UTRN: variants seen among roughly 807,000 people sequenced by gnomAD.
UTRN encodes dystrophin-related protein 1.
UTRN carries 283 observed loss-of-function variants against 463.9 expected under a neutral mutation model. The ratio of observed to expected loss-of-function variants is 0.61; its 90% confidence interval spans 0.55 to 0.67. UTRN has a LOEUF of 0.67. Ranked by LOEUF, UTRN falls within the 30% of genes least tolerant of loss-of-function variation. The pLI is 0.00. For synonymous variants in UTRN, 1,442 were observed against 1,431.5 expected (o/e 1.01, Z -0.17); for missense variants, 3,922 against 4,084.3 (o/e 0.96, Z 1.08).
At chr6:144,399,262 G>T (rs1456336103) in intron 2 of UTRN, among the ~76,000 whole-genome samples, 1 of 152,072 alleles carries the variant, frequency 6.6e-6, no homozygotes, top group Non-Finnish European at 1.5e-5. Flanking sequence ...ATTAGTGTTT[G>T]GGTGTGATTG....
intron 61 of UTRN, among the ~76,000 whole-genome samples, chr6:144,787,888 A>T (rs1432321333): frequency 1.3e-5 from 2 of 152,166 alleles, no homozygotes; most frequent in East Asian, 3.8e-4. Flanking sequence ...ATGAAAATGG[A>T]TCCTAAATGT....
At chr6:144,518,636 T>A (rs1304946983) in intron 39 of UTRN, among the ~76,000 whole-genome samples, 1 of 152,206 alleles carries the variant, frequency 6.6e-6, no homozygotes, top group Admixed American at 6.5e-5. Flanking sequence ...TTTTAAAGTA[T>A]CTTTCTTCCC....
chr6:144,840,970 G>T, intron 73 of UTRN, 138 bp downstream of exon 73: 1 of 910,654 alleles, frequency 1.1e-6, no homozygotes, highest in Non-Finnish European at 1.6e-6. Context: ...TGAAAATAAG[G>T]CAAACATTAT....
At chr6:144,669,500 C>T (rs955854183) in intron 51 of UTRN, among the ~76,000 whole-genome samples, 2 of 152,080 alleles carry the variant, frequency 1.3e-5, no homozygotes, top group African/African-American at 4.8e-5. Flanking sequence ...TGATAGCTTC[C>T]ACTCTTTTAC....
At chr6:144,643,663 G>C (rs1015174107) in intron 51 of UTRN, among the ~76,000 whole-genome samples, 5 of 152,008 alleles carry the variant, frequency 3.3e-5, no homozygotes, top group African/African-American at 7.3e-5. Flanking sequence ...CAGGCATGGG[G>C]GCAGGCACCT....
At chr6:144,376,865 T>C (rs948437086) in intron 2 of UTRN, among the ~76,000 whole-genome samples, 2 of 152,194 alleles carry the variant, frequency 1.3e-5, no homozygotes, top group African/African-American at 4.8e-5. Flanking sequence ...TATTACTTGG[T>C]TTATAGAAAT....
In UTRN at chr6:144,852,412, T is replaced by TA. The variant is rs922979023; in HGVS notation, c.*1418dup. 1 of 152,376 alleles carries TA rather than the reference T, an allele frequency of 6.6e-6. No individual in the cohort carries two copies. Among genetic ancestry groups the TA allele is most frequent in the Non-Finnish European group, 1.5e-5 (1 of 68,008 alleles). 9.4% of individuals were successfully genotyped at this position (152,376 alleles called of 1,614,324 possible). ...ATTCAAACCTAAAGACATAAAAACA[T>TA]AAAGACATTTTAACTTTGGGTTCTC... On this transcript the variant is annotated 3_prime_UTR_variant, in exon 75 of 75. Coordinates refer to ENST00000367545, the MANE Select transcript of UTRN (RefSeq NM_007124.3).
intron 3 of UTRN, among the ~76,000 whole-genome samples, chr6:144,410,824 A>G (rs913531305): frequency 7.0e-5 from 10 of 143,516 alleles, no homozygotes; most frequent in African/African-American, 2.2e-4. Flanking sequence ...GTGTGTGTAT[A>G]TACACACCAC....
chr6:144,616,228 A>G (rs559406922), intron 51 of UTRN, among the ~76,000 whole-genome samples: 4 of 152,206 alleles, frequency 2.6e-5, no homozygotes, highest in Non-Finnish European at 4.4e-5. Context: ...TTTAACAAGT[A>G]TTGATTCTGA....
Position 144,760,618 on chromosome 6 carries a change from T to C in UTRN, c.8495+2629T>C, listed in dbSNP as rs527810958. On this transcript the variant is annotated intron_variant, in intron 58 of 74. Transcript: ENST00000367545. ...GTAGAGTTATAAAAGCCAGTATTTA[T>C]GTGTGAAGAATTGTTATGAAAACAA... 2.0e-5 allele frequency among the ~76,000 whole-genome samples: 3 copies of C among 152,322 alleles called. No homozygotes were observed. In the South Asian group the frequency reaches 6.2e-4, roughly 32 times the overall value.
At chr6:144,530,033 G>A (rs952656403) in intron 41 of UTRN, among the ~76,000 whole-genome samples, 1 of 152,198 alleles carries the variant, frequency 6.6e-6, no homozygotes, top group Non-Finnish European at 1.5e-5. Context: ...ATTGCATAAC[G>A]GGCTCTGCAT....
chr6:144,449,437 T>C (rs1278434762), intron 17 of UTRN, among the ~76,000 whole-genome samples: 2 of 152,224 alleles, frequency 1.3e-5, no homozygotes, highest in African/African-American at 4.8e-5. Flanking sequence ...TGTAGACACC[T>C]GTTCCTGTGA....
chr6:144,475,624 C>CT (rs563312672), intron 25 of UTRN, among the ~76,000 whole-genome samples: 63 of 151,890 alleles, frequency 4.1e-4, no homozygotes, highest in Non-Finnish European at 7.7e-4. Context: ...GTTTTGTTTC[C>CT]TTTTTTTTAG....
chr6:144,319,534 G>C (rs1775498028), intron 2 of UTRN, among the ~76,000 whole-genome samples: 1 of 152,176 alleles, frequency 6.6e-6, no homozygotes, highest in Non-Finnish European at 1.5e-5. Context: ...ATAAGATTTA[G>C]TTGAAACATT....
At chr6:144,656,559 G>A (rs1017681386) in intron 51 of UTRN, among the ~76,000 whole-genome samples, 1 of 152,044 alleles carries the variant, frequency 6.6e-6, no homozygotes, top group Non-Finnish European at 1.5e-5. Context: ...TTATCGTCAT[G>A]GGCCACTACA....
intron 26 of UTRN, among the ~76,000 whole-genome samples, chr6:144,480,716 G>A (rs1791766264): frequency 6.6e-6 from 1 of 152,216 alleles, no homozygotes; most frequent in Admixed American, 6.5e-5. Context: ...GAATGTTCAA[G>A]CCAAAGGAGA....
rs189010018 is a variant in UTRN at position 144,413,515 on chromosome 6, A to G, written c.142-8363A>G. Among the ~76,000 whole-genome samples, 24 of 152,284 alleles carry G rather than the reference A, an allele frequency of 1.6e-4. No homozygotes were observed. In the East Asian group the frequency reaches 2.9e-3, roughly 18 times the overall value. On this transcript the variant is annotated intron_variant, in intron 3 of 74. Coordinates refer to ENST00000367545, the MANE Select transcript of UTRN (RefSeq NM_007124.3). Reference sequence around the variant, plus strand: ...TAAGATCTCATGAGACTTGTTCACTATCATGAGAACAGCACAGGAAAGACC... The same window carrying G: ...TAAGATCTCATGAGACTTGTTCACTGTCATGAGAACAGCACAGGAAAGACC...
Position 144,495,504 on chromosome 6 carries a change from G to A in UTRN, c.4593+2048G>A, listed in dbSNP as rs534081353. Among the ~76,000 whole-genome samples the A allele has an allele frequency of 1.5e-4, 23 of 152,326 alleles. No homozygotes were observed. The South Asian group carries it at 4.3e-3, about 29-fold the overall frequency. ...GCCCACAAGCGTGGCGCGCAGCCCC[G>A]GTTCCCGCTCGCGCCTCTCCCTCCA... On this transcript the variant is annotated intron_variant, in intron 33 of 74. Coordinates refer to ENST00000367545, the MANE Select transcript of UTRN (RefSeq NM_007124.3).
At chr6:144,840,288 A>C (rs191819076) in intron 72 of UTRN, among the ~76,000 whole-genome samples, 1 of 152,186 alleles carries the variant, frequency 6.6e-6, no homozygotes, top group African/African-American at 2.4e-5. Context: ...AGTGAAAAGT[A>C]TCTTAAATAA....
Sources: gnomAD v4.1 joint callset for allele counts (sites outside exome capture counted in the v4.1 genomes callset) on GRCh38, gnomAD v4.1.1 for gene constraint, MANE v1.5 for transcripts, NCBI Gene and HGNC (gene_info 2026-07-23, HGNC 2026-07-21) for gene names.